SGCD: variants seen among roughly 807,000 people sequenced by gnomAD.
SGCD encodes the protein delta-sarcoglycan.
A neutral mutation model predicts 36.6 loss-of-function variants in SGCD; 18 were observed. That is an observed-to-expected ratio of 0.49 (90% confidence interval 0.34 to 0.73). The LOEUF (loss-of-function observed/expected upper bound fraction) is 0.73, where lower values mean the gene tolerates loss of function less well. Among genes scored for constraint, SGCD ranks in the 30% least tolerant of loss-of-function variants. The probability of loss-of-function intolerance (pLI) is 0.01; values close to 1 mark genes in which losing one functional copy is unlikely to be tolerated. For missense variants in SGCD, 387 were observed against 346.7 expected (o/e 1.12, Z -0.92); for synonymous variants, 133 against 130.6 (o/e 1.02, Z -0.12).
intron 6 of SGCD, among the ~76,000 whole-genome samples, chr5:156,626,836 T>C (rs1267436797): frequency 1.3e-5 from 2 of 152,146 alleles, no homozygotes; most frequent in Middle Eastern, 3.2e-3. Context: ...TTTCTTCAGC[T>C]AAAAAGGCAG....
the SGCD span, among the ~76,000 whole-genome samples, chr5:155,766,220 A>C: frequency 1.3e-5 from 2 of 152,212 alleles, no homozygotes; most frequent in African/African-American, 4.8e-5. Context: ...ATCAAAGGAT[A>C]GTCCAATCCA....
chr5:156,753,948 T>G (rs1757246748), intron 7 of SGCD, among the ~76,000 whole-genome samples: 1 of 152,236 alleles, frequency 6.6e-6, no homozygotes, highest in Non-Finnish European at 1.5e-5. Flanking sequence ...CTGTTAAGTC[T>G]GCTTGAACAT....
At chr5:156,328,753 G>A (rs1194063971) in intron 1 of SGCD, among the ~76,000 whole-genome samples, 1 of 151,120 alleles carries the variant, frequency 6.6e-6, no homozygotes, top group African/African-American at 2.4e-5. Flanking sequence ...TTTCATCTTC[G>A]TGTTGGGGTG....
At chr5:156,324,537 G>A (rs1324681572), upstream of SGCD, among the ~76,000 whole-genome samples, 1 of 152,022 alleles carries the variant, frequency 6.6e-6, no homozygotes, top group Non-Finnish European at 1.5e-5. Flanking sequence ...GGATTTTCTA[G>A]CTAGCAGTTA....
chr5:156,758,047 G>T, intron 8 of SGCD: 1 of 1,017,512 alleles, frequency 9.8e-7, no homozygotes. Flanking sequence ...ATACACATCT[G>T]GCTCAAGATG....
chr5:156,549,300 G>A (rs555580890), intron 4 of SGCD, among the ~76,000 whole-genome samples: 1 of 152,314 alleles, frequency 6.6e-6, no homozygotes, highest in African/African-American at 2.4e-5. Context: ...AAAGCAGGAT[G>A]AGCTCACGTT....
intron 1 of SGCD, among the ~76,000 whole-genome samples, chr5:155,941,157 A>G (rs921238764): frequency 2.6e-5 from 4 of 152,204 alleles, no homozygotes; most frequent in African/African-American, 9.7e-5. Flanking sequence ...ACTGACTTTT[A>G]TAACAAACCC....
In SGCD at chr5:156,344,660, G is replaced by A. The variant is rs1274415049; in HGVS notation, c.175G>A (p.Val59Ile). 8 of 1,603,198 alleles carry A rather than the reference G, an allele frequency of 5.0e-6. No homozygotes were observed. The highest frequency in any genetic ancestry group is 1.1e-5 in the South Asian group (1 of 88,698). Residue 59 changes from valine (V) to isoleucine (I), a missense_variant, in exon 3 of 9, where the codon GTC becomes ATC. By Grantham distance (29) the Val-to-Ile change is conservative. Transcript: ENST00000337851. ...NLAMTIWILKVMNFTIDGMGN... is the reference protein window; with the variant it reads ...NLAMTIWILKIMNFTIDGMGN... ...GGCCATGACCATCTGGATTCTCAAA[G>A]TCATGAACTTCACAATTGTAAGTAA...
chr5:156,700,942 C>CAA (rs66896485), intron 7 of SGCD, among the ~76,000 whole-genome samples: 18,285 of 128,178 alleles, frequency 0.14, 1,915 homozygotes, highest in African/African-American at 0.28. Flanking sequence ...GACCTTGTCT[C>CAA]AAAAAAAAAA....
chr5:155,862,168 C>G, the SGCD span, among the ~76,000 whole-genome samples: 1 of 151,950 alleles, frequency 6.6e-6, no homozygotes, highest in South Asian at 2.1e-4. Context: ...GTGTTTTCAC[C>G]CTATGTAAGC....
At chr5:156,123,167 T>C (rs950745781) in intron 2 of SGCD, among the ~76,000 whole-genome samples, 1 of 152,082 alleles carries the variant, frequency 6.6e-6, no homozygotes, top group Non-Finnish European at 1.5e-5. Context: ...GAAGAGTCAG[T>C]TGATTGAGTT....
intron 1 of SGCD, among the ~76,000 whole-genome samples, chr5:156,027,494 T>G (rs531579030): frequency 6.6e-6 from 1 of 152,294 alleles, no homozygotes; most frequent in South Asian, 2.1e-4. Flanking sequence ...TATTAGAATA[T>G]GATGACAATT....
chr5:155,880,029 C>T (rs1375473246), intron 1 of SGCD, among the ~76,000 whole-genome samples: 2 of 152,102 alleles, frequency 1.3e-5, no homozygotes, highest in Non-Finnish European at 2.9e-5. Flanking sequence ...TGTCTAGTGA[C>T]TAAATAGCAG....
chr5:156,056,140 T>G (rs1218912064), intron 1 of SGCD, among the ~76,000 whole-genome samples: 2 of 145,894 alleles, frequency 1.4e-5, no homozygotes, highest in African/African-American at 2.5e-5. Context: ...AGTAAGAAAA[T>G]TATAACAATG....
chr5:156,444,892 G>A (rs1303287675), intron 3 of SGCD, among the ~76,000 whole-genome samples: 2 of 152,128 alleles, frequency 1.3e-5, no homozygotes, highest in Non-Finnish European at 2.9e-5. Flanking sequence ...GACACTAAAT[G>A]GGATAGATGG....
At chr5:156,186,903 A>G (rs1313067735) in intron 3 of SGCD, among the ~76,000 whole-genome samples, 1 of 152,272 alleles carries the variant, frequency 6.6e-6, no homozygotes, top group Admixed American at 6.5e-5. Flanking sequence ...TCCCAAGTCA[A>G]TGGCCTTTAC....
intron 3 of SGCD, among the ~76,000 whole-genome samples, chr5:156,164,205 A>C (rs1763158253): frequency 6.6e-6 from 1 of 151,358 alleles, no homozygotes; most frequent in Non-Finnish European, 1.5e-5. Flanking sequence ...CATAAATGTA[A>C]ATGTGTGTGT....
intron 4 of SGCD, among the ~76,000 whole-genome samples, chr5:156,569,933 A>G (rs1255126527): frequency 6.6e-6 from 1 of 152,202 alleles, no homozygotes; most frequent in African/African-American, 2.4e-5. Context: ...CGGATCATGT[A>G]GGATCTTGTA....
At chr5:156,146,384 A>G (rs1056950293) in intron 3 of SGCD, among the ~76,000 whole-genome samples, 3 of 152,224 alleles carry the variant, frequency 2.0e-5, no homozygotes, top group Admixed American at 1.3e-4. Context: ...GAAAACTCAC[A>G]GTCACGTTAA....
Sources: gnomAD v4.1 joint callset for allele counts (sites outside exome capture counted in the v4.1 genomes callset) on GRCh38, gnomAD v4.1.1 for gene constraint, MANE v1.5 for transcripts, NCBI Gene and HGNC (gene_info 2026-07-23, HGNC 2026-07-21) for gene names.